The following ARHGEF3 variants were observed in gnomAD, a reference collection of about 807,000 sequenced individuals.
The protein encoded by ARHGEF3 is 59.8 kDA protein.
Under a neutral mutation model 63.2 loss-of-function variants are expected in ARHGEF3, and 28 were observed. That is an observed-to-expected ratio of 0.44 (90% CI 0.33 to 0.61). The LOEUF (loss-of-function observed/expected upper bound fraction) is 0.61. Ranked by LOEUF, ARHGEF3 falls within the 20% of genes least tolerant of loss-of-function variation. The probability of loss-of-function intolerance (pLI) is 0.03; values close to 1 mark genes in which losing one functional copy is unlikely to be tolerated. For synonymous variants in ARHGEF3, 266 were observed against 254.2 expected (o/e 1.05, Z -0.44); for missense variants, 533 against 659.3 (o/e 0.81, Z 2.10).
chr3:56,961,927 C>G (rs1432361414), intron 2 of ARHGEF3, among the ~76,000 whole-genome samples: 1 of 152,170 alleles, frequency 6.6e-6, no homozygotes, highest in Non-Finnish European at 1.5e-5. Context: ...TGCCTGTAGT[C>G]CCAACCACTT....
chr3:57,008,496 A>T (rs1183222130), intron 2 of ARHGEF3, among the ~76,000 whole-genome samples: 2 of 145,878 alleles, frequency 1.4e-5, no homozygotes, highest in Non-Finnish European at 3.0e-5. Flanking sequence ...TTTTTTTTTG[A>T]GACAGAGACT....
At chr3:57,064,785 A>AG (rs1173018373) in intron 1 of ARHGEF3, among the ~76,000 whole-genome samples, 4 of 152,202 alleles carry the variant, frequency 2.6e-5, no homozygotes, top group African/African-American at 7.2e-5. Context: ...GACTAGGGGC[A>AG]GGGGGGAATG....
intron 1 of ARHGEF3, among the ~76,000 whole-genome samples, chr3:57,042,567 C>A (rs948717919): frequency 6.8e-6 from 1 of 147,940 alleles, no homozygotes; most frequent in Non-Finnish European, 1.5e-5. Flanking sequence ...TCAGAAAATG[C>A]GGCAAATCAT....
intron 4 of ARHGEF3, among the ~76,000 whole-genome samples, chr3:56,819,021 T>C (rs962491287): frequency 3.9e-5 from 6 of 152,130 alleles, no homozygotes; most frequent in Non-Finnish European, 5.9e-5. Flanking sequence ...CATCTAGAGA[T>C]ACTGACAGCA....
At chr3:56,795,070 GC>G (rs2037281591) in intron 1 of ARHGEF3, among the ~76,000 whole-genome samples, 3 of 149,088 alleles carry the variant, frequency 2.0e-5, no homozygotes, top group Non-Finnish European at 3.0e-5. Context: ...TCGCTGTGTT[GC>G]CCAGAATGGT....
chr3:56,816,499 C>A (rs1468055905), intron 4 of ARHGEF3, among the ~76,000 whole-genome samples: 4 of 152,130 alleles, frequency 2.6e-5, no homozygotes. Flanking sequence ...ATTGTACGCT[C>A]CAAAAGAATC....
chr3:57,010,971 G>A (rs1047731697), intron 2 of ARHGEF3, among the ~76,000 whole-genome samples: 1 of 152,206 alleles, frequency 6.6e-6, no homozygotes, highest in African/African-American at 2.4e-5. Context: ...TTAACAGGTG[G>A]CACAGGAATC....
intron 1 of ARHGEF3, among the ~76,000 whole-genome samples, chr3:57,043,278 G>A (rs933556401): frequency 3.9e-5 from 6 of 151,918 alleles, no homozygotes; most frequent in African/African-American, 1.2e-4. Context: ...CACCATGCCC[G>A]GCTAATTTTT....
At chr3:56,981,141 G>C (rs547272703) in intron 2 of ARHGEF3, among the ~76,000 whole-genome samples, 1 of 152,208 alleles carries the variant, frequency 6.6e-6, no homozygotes, top group African/African-American at 2.4e-5. Flanking sequence ...TGTCTGTCAA[G>C]ATAAGATATA....
At chr3:56,860,657 G>C (rs1030205999) in intron 4 of ARHGEF3, among the ~76,000 whole-genome samples, 1 of 152,102 alleles carries the variant, frequency 6.6e-6, no homozygotes, top group Non-Finnish European at 1.5e-5. Context: ...TTTATAGAAA[G>C]GAAATGTAAA....
At chr3:56,980,851 T>C (rs1316607770) in intron 2 of ARHGEF3, among the ~76,000 whole-genome samples, 6 of 152,248 alleles carry the variant, frequency 3.9e-5, no homozygotes, top group Non-Finnish European at 7.3e-5. Flanking sequence ...TCAAGTCAAG[T>C]TCATCGGCCT....
At chr3:56,967,798 T>G in intron 2 of ARHGEF3, among the ~76,000 whole-genome samples, 1 of 66,912 alleles carries the variant, frequency 1.5e-5, no homozygotes, top group Non-Finnish European at 2.5e-5. Flanking sequence ...ATATATTACA[T>G]ATTATATAAT....
intron 2 of ARHGEF3, among the ~76,000 whole-genome samples, chr3:56,993,528 C>A (rs138194099): frequency 6.6e-6 from 1 of 151,962 alleles, no homozygotes; most frequent in South Asian, 2.1e-4. Context: ...GTGCGTTCCA[C>A]GATGGCCAGC....
chr3:56,927,386 G>C (rs1455283175), intron 3 of ARHGEF3, among the ~76,000 whole-genome samples: 1 of 152,134 alleles, frequency 6.6e-6, no homozygotes, highest in Non-Finnish European at 1.5e-5. Context: ...ACAATGGCTA[G>C]GGCATTTCCA....
At chr3:56,968,112 TAA>T (rs1422236208) in intron 2 of ARHGEF3, among the ~76,000 whole-genome samples, 2 of 45,480 alleles carry the variant, frequency 4.4e-5, no homozygotes, top group African/African-American at 8.3e-5. Flanking sequence ...ATATTGTATA[TAA>T]TATATATAAA....
At chr3:56,819,863 T>A (rs1338603956) in intron 4 of ARHGEF3, among the ~76,000 whole-genome samples, 1 of 136,416 alleles carries the variant, frequency 7.3e-6, no homozygotes, top group Non-Finnish European at 1.6e-5. Flanking sequence ...AGGCTGGAGG[T>A]CAGTGGCACA....
rs538848019 is a variant in ARHGEF3, at chr3:56,823,981, G to A, written c.193-50165C>T. ...CTAAACAAAGAGAAAAGATCTTGAG[G>A]AAAGGAAAAAAAAAAAAAAAAAAAC... On this transcript the variant is annotated intron_variant, in intron 4 of 12. Transcript: ENST00000338458. Among the ~76,000 whole-genome samples the A allele has an allele frequency of 5.0e-4, 31 of 62,412 alleles. No individual in the cohort carries two copies. In the South Asian group the frequency reaches 0.023, roughly 46 times the overall value. 40.9% of individuals were successfully genotyped at this position (62,412 alleles called of 152,430 possible). A position where few individuals can be genotyped will look rare whatever the true frequency, so the allele number is the denominator to read the frequency against.
At chr3:57,053,800 T>A (rs1704782447) in intron 1 of ARHGEF3, among the ~76,000 whole-genome samples, 1 of 152,232 alleles carries the variant, frequency 6.6e-6, no homozygotes, top group Non-Finnish European at 1.5e-5. Flanking sequence ...ATCACTGTGT[T>A]AGAAGTTTTA....
At chr3:57,000,342 A>ACACACACACC (rs1209734613) in intron 2 of ARHGEF3, among the ~76,000 whole-genome samples, 3 of 146,150 alleles carry the variant, frequency 2.1e-5, no homozygotes, top group Non-Finnish European at 4.5e-5. Context: ...ACACACACAC[A>ACACACACACC]CCTTAAGCAT....
Sources: allele counts gnomAD v4.1 joint callset (sites outside exome capture counted in the v4.1 genomes callset), GRCh38; gene constraint gnomAD v4.1.1; transcripts MANE v1.5; gene names NCBI Gene and HGNC (gene_info 2026-07-23, HGNC 2026-07-21).